The following SLC7A1 variants were observed in gnomAD, a reference collection of about 807,000 sequenced individuals.
SLC7A1 encodes the protein high affinity cationic amino acid transporter 1.
SLC7A1 carries 10 observed loss-of-function variants against 53.9 expected under a neutral mutation model. That is an observed-to-expected ratio of 0.19 (90% confidence interval 0.11 to 0.31). The LOEUF is 0.31. Ranked by LOEUF, SLC7A1 falls within the 10% of genes least tolerant of loss-of-function variation. The pLI, the probability that SLC7A1 is intolerant of heterozygous loss-of-function variation, is 1.00. For missense variants in SLC7A1, 525 were observed against 827.2 expected (o/e 0.63, Z 4.48); for synonymous variants, 342 against 338.7 (o/e 1.01, Z -0.11).
Position 29,523,379 on chromosome 13 carries a change from C to T in SLC7A1, c.936G>A (p.Met312Ile). The change falls in exon 7 of 13, where the codon ATG becomes ATA. Residue 312 changes from methionine to isoleucine, a missense_variant. Physicochemically the swap from Met to Ile is conservative, Grantham distance 10 (BLOSUM62 1). Coordinates refer to ENST00000380752, the MANE Select transcript of SLC7A1 (RefSeq NM_003045.5). The part of the protein sequence containing the change: ...FGVSAALTLM[M>I]PYFCLDNNSP... ...TGTTATTGTCCAGGCAGAAGTAGGGCATCATGAGCGTGAGGGCAGCCGACA... is the reference window on the plus strand; with the variant it reads ...TGTTATTGTCCAGGCAGAAGTAGGGTATCATGAGCGTGAGGGCAGCCGACA... 1 of 1,613,818 alleles carries T rather than the reference C, an allele frequency of 6.2e-7. No individual in the cohort carries two copies. The highest frequency in any genetic ancestry group is 2.2e-5 in the East Asian group (1 of 44,846).
In SLC7A1 at chr13:29,523,307, C is replaced by T. The variant is rs1868717873; in HGVS notation, c.1008G>A (p.Lys336=). 2 of 1,613,678 alleles carry T rather than the reference C, an allele frequency of 1.2e-6. No homozygotes were observed. The highest frequency in any genetic ancestry group is 8.5e-7 in the Non-Finnish European group (1 of 1,180,034). The change falls in exon 7 of 13, where the codon AAG becomes AAA. Residue 336 remains lysine, a synonymous_variant. Transcript: ENST00000380752. ...AFKHVGWEGA[K]YAVAVGSLCA... is the part of the protein sequence containing the mutation. ...AGAGGGAGCCCACGGCCACTGCGTA[C>T]TTGGCACCTTCCCAGCCCACGTGCT...
At chr13:29,532,273 T>C (rs1869196204) in intron 4 of SLC7A1, among the ~76,000 whole-genome samples, 1 of 152,222 alleles carries the variant, frequency 6.6e-6, no homozygotes, top group Admixed American at 6.5e-5. Flanking sequence ...ATCAGCTGTG[T>C]TCAGGCAGTC....
chr13:29,517,194 T>C lies in SLC7A1; in HGVS notation c.1627A>G (p.Thr543Ala), dbSNP rs1418833958. Residue 543 changes from threonine (T) to alanine (A), a missense_variant, in exon 11 of 13, where the codon ACG becomes GCG. By Grantham distance (58) the Thr-to-Ala change is moderately conservative (BLOSUM62 0). Coordinates refer to ENST00000380752, the MANE Select transcript of SLC7A1 (RefSeq NM_003045.5). ...AGSALLCAVVTGVIWRQPESK... is the reference protein window; with the variant it reads ...AGSALLCAVVAGVIWRQPESK... ...TCGGGCTGCCTCCAGATGACGCCCG[T>C]GACCACGGCACAGAGGAGGGCAGAC... is the stretch of plus-strand genomic sequence containing the variant. The C allele has an allele frequency of 6.2e-7, 1 of 1,613,116 alleles. No homozygotes were observed. The highest frequency in any genetic ancestry group is 8.5e-7 in the Non-Finnish European group (1 of 1,179,634).
At chr13:29,552,081 A>T (rs559698863) in intron 2 of SLC7A1, among the ~76,000 whole-genome samples, 2 of 152,280 alleles carry the variant, frequency 1.3e-5, no homozygotes, top group South Asian at 4.2e-4. Context: ...AGTCCTTCTG[A>T]TTAAGAACTC....
chr13:29,564,046 G>C (rs573105922), intron 1 of SLC7A1, among the ~76,000 whole-genome samples: 2 of 152,194 alleles, frequency 1.3e-5, no homozygotes, highest in African/African-American at 2.4e-5. Context: ...ATCCTCTCAA[G>C]ATGGTAAAAG....
At position 29,512,984 on chromosome 13, in the gene SLC7A1, T is replaced by C. The variant is rs969746034; in HGVS notation, c.*1496A>G. ...TAAGTTTTGAAAGCAGCATTTCCAT[T>C]TCCCCTGGTGTCCAAAATGCCCACA... On this transcript the variant is annotated 3_prime_UTR_variant, in exon 13 of 13. Transcript: ENST00000380752. 1.4e-5 allele frequency: 2 copies of C among 147,610 alleles called. No individual in the cohort carries two copies. Among genetic ancestry groups the C allele is most frequent in the African/African-American group, 4.9e-5 (2 of 40,796 alleles). 9.1% of individuals were successfully genotyped at this position (147,610 alleles called of 1,614,324 possible).
chr13:29,524,778 G>A (rs754081416), intron 5 of SLC7A1, among the ~76,000 whole-genome samples: 19 of 152,326 alleles, frequency 1.2e-4, no homozygotes, highest in South Asian at 2.1e-4. Flanking sequence ...CCAGGAGGGC[G>A]CAGCTTTTGC....
At chr13:29,516,677 C>T (rs564121528) in intron 11 of SLC7A1, among the ~76,000 whole-genome samples, 1 of 152,208 alleles carries the variant, frequency 6.6e-6, no homozygotes, top group African/African-American at 2.4e-5. Context: ...CAGACATTTA[C>T]GAGAAGCATC....
intron 1 of SLC7A1, among the ~76,000 whole-genome samples, chr13:29,557,632 T>C (rs191106873): frequency 6.9e-6 from 1 of 145,102 alleles, no homozygotes; most frequent in East Asian, 2.1e-4. Flanking sequence ...GGACTGCAAG[T>C]TGCCCTGAGT....
At chr13:29,581,685 G>A (rs940924456) in intron 1 of SLC7A1, among the ~76,000 whole-genome samples, 4 of 152,246 alleles carry the variant, frequency 2.6e-5, no homozygotes, top group South Asian at 2.1e-4. Context: ...CTCTGGCAGC[G>A]CCATGCCTGC....
rs369428455 is a variant in SLC7A1 at position 29,533,002 on chromosome 13, A to G, written c.371-20T>C. 5.2e-5 allele frequency: 83 copies of G among 1,600,910 alleles called. No individual in the cohort carries two copies. Among genetic ancestry groups the G allele is most frequent in the Non-Finnish European group, 7.0e-5 (82 of 1,172,148 alleles). ...AAGTACCTGCCACAAAGCACACACA[A>G]CAGAGGAGATGTGAGGACAACTGTT... On this transcript the variant is annotated intron_variant, in intron 3 of 12. Transcript: ENST00000380752.
rs576738670 is a variant in SLC7A1 at position 29,574,203 on chromosome 13, T to C, written c.-114-20343A>G. 1.2e-3 allele frequency among the ~76,000 whole-genome samples: 188 copies of C among 152,314 alleles called. 1 individual carries two copies. The highest frequency in any genetic ancestry group is 4.5e-3 in the African/African-American group (185 of 41,558). On this transcript the variant is annotated intron_variant, in intron 1 of 12. Coordinates refer to ENST00000380752, the MANE Select transcript of SLC7A1 (RefSeq NM_003045.5). Reference sequence around the variant, plus strand: ...TAGTTTACAAAGGGATGAAGATAGATGGTAAGAGTGTGACATTCTCTTTCA... The same window carrying C: ...TAGTTTACAAAGGGATGAAGATAGACGGTAAGAGTGTGACATTCTCTTTCA...
chr13:29,582,959 T>C (rs1183302489), intron 1 of SLC7A1, among the ~76,000 whole-genome samples: 2 of 152,242 alleles, frequency 1.3e-5, no homozygotes, highest in African/African-American at 4.8e-5. Context: ...TGAACAGGAC[T>C]GTTACAAAAT....
intron 1 of SLC7A1, among the ~76,000 whole-genome samples, chr13:29,557,188 G>A (rs1870475182): frequency 6.6e-6 from 1 of 152,150 alleles, no homozygotes; most frequent in Non-Finnish European, 1.5e-5. Context: ...AATTCCATTT[G>A]TTTCATAAAT....
rs1020315023 is a variant in SLC7A1 at position 29,511,252 on chromosome 13, C to T, written c.*3228G>A. 1 of 152,274 alleles carries T rather than the reference C, an allele frequency of 6.6e-6. No individual in the cohort carries two copies. The highest frequency in any genetic ancestry group is 6.5e-5 in the Admixed American group (1 of 15,276). The allele number at this position is 152,274 out of a possible 1,614,324, so 9.4% of individuals were successfully genotyped here. ...GGTCACCCCTGGACTCGTATTGGAT[C>T]CTGGCCACTGTGCTAGAGTCAGCAC... On this transcript the variant is annotated 3_prime_UTR_variant, in exon 13 of 13. Coordinates refer to ENST00000380752, the MANE Select transcript of SLC7A1 (RefSeq NM_003045.5).
At chr13:29,577,866 C>T (rs1042163354) in intron 1 of SLC7A1, among the ~76,000 whole-genome samples, 1 of 152,208 alleles carries the variant, frequency 6.6e-6, no homozygotes. Context: ...CGCTAGCCCC[C>T]GCGTGCTGGG....
At chr13:29,548,321 G>A (rs994651405) in intron 2 of SLC7A1, among the ~76,000 whole-genome samples, 1 of 152,244 alleles carries the variant, frequency 6.6e-6, no homozygotes, top group Non-Finnish European at 1.5e-5. Flanking sequence ...TGGAAGGAAC[G>A]CAAGTGAATT....
At chr13:29,576,373 A>G (rs1033377647) in intron 1 of SLC7A1, among the ~76,000 whole-genome samples, 2 of 152,072 alleles carry the variant, frequency 1.3e-5, no homozygotes, top group African/African-American at 4.8e-5. Context: ...CTATATTCAG[A>G]TAAGACTGAA....
chr13:29,517,188 C>A lies in SLC7A1; in HGVS notation c.1633G>T (p.Val545Phe), dbSNP rs548607156. 6.2e-7 allele frequency: 1 copy of A among 1,612,734 alleles called. No individual in the cohort carries two copies. The highest frequency in any genetic ancestry group is 1.7e-5 in the Admixed American group (1 of 59,830). ...TTGCTCTCGGGCTGCCTCCAGATGA[C>A]GCCCGTGACCACGGCACAGAGGAGG... is the stretch of plus-strand genomic sequence containing the variant. The part of the protein sequence containing the change: ...SALLCAVVTG[V>F]IWRQPESKTK... Residue 545 changes from valine to phenylalanine, a missense_variant, in exon 11 of 13, where the codon GTC (valine) becomes TTC (phenylalanine). This residue lies in a region of SLC7A1 where 122 missense variants were observed against 140.9 expected (regional missense o/e 0.87). Coordinates refer to ENST00000380752, the MANE Select transcript of SLC7A1 (RefSeq NM_003045.5).
Sources: allele counts gnomAD v4.1 joint callset (sites outside exome capture counted in the v4.1 genomes callset), GRCh38; gene constraint gnomAD v4.1.1; regional missense constraint gnomAD v4.1.1; transcripts MANE v1.5; gene names NCBI Gene and HGNC (gene_info 2026-07-23, HGNC 2026-07-21).